Variants in MYO16 observed in about 807,000 individuals in gnomAD.
MYO16 encodes the protein unconventional myosin-XVI.
In MYO16, 94 loss-of-function variants were observed where a neutral mutation model predicts 205.3. The observed-to-expected ratio is 0.46, with a 90% CI of 0.39 to 0.54. The LOEUF (loss-of-function observed/expected upper bound fraction) is 0.54, where lower values mean the gene tolerates loss of function less well. Ranked by LOEUF, MYO16 falls within the 20% of genes least tolerant of loss-of-function variation. The pLI, the probability that MYO16 is intolerant of heterozygous loss-of-function variation, is 0.00. For missense variants in MYO16, 2,315 were observed against 2,387.5 expected, an observed-to-expected ratio of 0.97 and a Z score of 0.63; for synonymous variants, 988 against 954.0, an observed-to-expected ratio of 1.04 and a Z score of -0.66.
At chr13:108,498,056 T>C in the MYO16 span, among the ~76,000 whole-genome samples, 1 of 152,214 alleles carries the variant, frequency 6.6e-6, no homozygotes, top group Non-Finnish European at 1.5e-5. Flanking sequence ...AGATCTTAAA[T>C]GTGTTAAAAC....
intron 3 of MYO16, among the ~76,000 whole-genome samples, chr13:108,726,622 G>A (rs958790906): frequency 6.6e-6 from 1 of 151,834 alleles, no homozygotes; most frequent in Non-Finnish European, 1.5e-5. Flanking sequence ...ATTTGAAGAG[G>A]CCAATGCAAA....
chr13:108,765,070 G>A (rs1885733940), intron 4 of MYO16, among the ~76,000 whole-genome samples: 1 of 152,092 alleles, frequency 6.6e-6, no homozygotes, highest in Admixed American at 6.5e-5. Context: ...ATCTTTTGAT[G>A]TATTTCTTAA....
intron 14 of MYO16, among the ~76,000 whole-genome samples, chr13:108,893,967 G>A (rs1010992309): frequency 6.6e-6 from 1 of 152,160 alleles, no homozygotes; most frequent in African/African-American, 2.4e-5. Context: ...GATACCACCT[G>A]AGACTAGGAA....
chr13:109,050,820 C>A (rs1199570123), intron 24 of MYO16, among the ~76,000 whole-genome samples: 2 of 151,346 alleles, frequency 1.3e-5, no homozygotes, highest in Non-Finnish European at 1.5e-5. Context: ...CCAGTAAGAA[C>A]CCCTTCAAAG....
chr13:108,920,294 T>TTCTTTC (rs201808838), intron 16 of MYO16, among the ~76,000 whole-genome samples: 8 of 151,594 alleles, frequency 5.3e-5, no homozygotes, highest in Non-Finnish European at 1.2e-4. Context: ...CTCTTTCTCT[T>TTCTTTC]TCTTTCTCTT....
intron 27 of MYO16, among the ~76,000 whole-genome samples, chr13:109,074,698 C>T (rs917528605): frequency 1.3e-5 from 2 of 152,160 alleles, no homozygotes; most frequent in African/African-American, 4.8e-5. Context: ...GGAACCAGCA[C>T]ACTTACACCA....
At chr13:108,985,382 T>C (rs997542611) in intron 20 of MYO16, among the ~76,000 whole-genome samples, 52 of 152,288 alleles carry the variant, frequency 3.4e-4, no homozygotes, top group African/African-American at 1.1e-3. Flanking sequence ...ATCCACATAA[T>C]TGGTTGAACA....
intron 31 of MYO16, among the ~76,000 whole-genome samples, chr13:109,133,261 A>G (rs942084802): frequency 1.3e-5 from 2 of 152,282 alleles, no homozygotes; most frequent in South Asian, 4.1e-4. Context: ...GCTCTGTGCT[A>G]TGTTTGCTTT....
intron 32 of MYO16, among the ~76,000 whole-genome samples, chr13:109,143,669 A>T (rs1877201760): frequency 6.6e-6 from 1 of 151,510 alleles, no homozygotes; most frequent in South Asian, 2.1e-4. Flanking sequence ...AGTGAGAATT[A>T]TAGTGAGCCC....
chr13:108,637,976 T>A (rs997345428), intron 1 of MYO16, among the ~76,000 whole-genome samples: 24 of 152,126 alleles, frequency 1.6e-4, no homozygotes, highest in African/African-American at 5.3e-4. Context: ...ACAGAGTAAG[T>A]AAGTAAAGAG....
At chr13:108,962,846 G>C (rs1883640717) in intron 19 of MYO16, among the ~76,000 whole-genome samples, 1 of 152,212 alleles carries the variant, frequency 6.6e-6, no homozygotes, top group African/African-American at 2.4e-5. Context: ...TACCTCATTG[G>C]TTAGAACAGC....
chr13:108,875,570 G>T (rs528032460), intron 12 of MYO16, among the ~76,000 whole-genome samples: 1 of 152,230 alleles, frequency 6.6e-6, no homozygotes, highest in South Asian at 2.1e-4. Context: ...AGCTGAGAGA[G>T]GTTATGAGTT....
In MYO16 at chr13:108,844,365, G is replaced by A. The variant is rs1385325981; in HGVS notation, c.1120G>A (p.Ala374Thr). 6.2e-7 allele frequency: 1 copy of A among 1,612,240 alleles called. No homozygotes were observed. The highest frequency in any genetic ancestry group is 8.5e-7 in the Non-Finnish European group (1 of 1,178,856). Residue 374 changes from alanine (A) to threonine (T), a missense_variant, in exon 10 of 35, where the codon GCC becomes ACC. Ala to Thr is a moderately conservative substitution (Grantham distance 58). Around this residue, in one of 3 missense-constraint regions of MYO16, gnomAD observed 1,213 missense variants for 1,274.4 expected, o/e 0.95. Coordinates refer to ENST00000457511, the MANE Select transcript of MYO16 (RefSeq NM_001198950.3). ...TAGCAGTCCCCTGGTGTTACCAATT[G>A]CCAAGCAAGACAGTTTGTTGGAAAA... ...SKLSPLVLPIAKQDSLLEKDI... is the reference protein window; with the variant it reads ...SKLSPLVLPITKQDSLLEKDI...
intron 6 of MYO16, among the ~76,000 whole-genome samples, chr13:108,805,718 T>C (rs1281519405): frequency 1.3e-5 from 2 of 151,976 alleles, no homozygotes; most frequent in Non-Finnish European, 2.9e-5. Context: ...ATGTAAAACA[T>C]TCTCCAAACC....
At chr13:109,174,258 G>A (rs1260833939) in intron 33 of MYO16, among the ~76,000 whole-genome samples, 1 of 152,162 alleles carries the variant, frequency 6.6e-6, no homozygotes, top group Non-Finnish European at 1.5e-5. Flanking sequence ...AAGAGAAAAG[G>A]ACTTCTGATT....
At chr13:109,077,603 T>G (rs577329565) in intron 27 of MYO16, among the ~76,000 whole-genome samples, 1 of 152,326 alleles carries the variant, frequency 6.6e-6, no homozygotes, top group South Asian at 2.1e-4. Context: ...AACATATTTT[T>G]CTTTTAGTAT....
intron 1 of MYO16, among the ~76,000 whole-genome samples, chr13:108,603,383 G>A (rs1866565152): frequency 6.6e-6 from 1 of 152,116 alleles, no homozygotes; most frequent in Admixed American, 6.6e-5. Context: ...TTTCTAAATT[G>A]AACCAAAGTT....
chr13:108,665,853 G>C lies in MYO16; in HGVS notation c.29-33G>C, dbSNP rs768991282. On this transcript the variant is annotated intron_variant, in intron 1 of 34. Coordinates refer to ENST00000457511, the MANE Select transcript of MYO16 (RefSeq NM_001198950.3). ...CACACTTATAGTGGTTATAATAATA[G>C]GTCTGGTGACGCTCCCCTTGCATTT... 2.5e-6 allele frequency: 4 copies of C among 1,598,118 alleles called. No homozygotes were observed. In the South Asian group the frequency reaches 3.4e-5, roughly 14 times the overall value.
At chr13:108,771,350 T>C (rs1885957917) in intron 4 of MYO16, among the ~76,000 whole-genome samples, 1 of 152,190 alleles carries the variant, frequency 6.6e-6, no homozygotes, top group Admixed American at 6.5e-5. Flanking sequence ...TTAGACTTTT[T>C]TTAGAGCAGT....
Sources: allele counts gnomAD v4.1 joint callset (sites outside exome capture counted in the v4.1 genomes callset), GRCh38; gene constraint gnomAD v4.1.1; regional missense constraint gnomAD v4.1.1; transcripts MANE v1.5; gene names NCBI Gene and HGNC (gene_info 2026-07-23, HGNC 2026-07-21).